The following TBCK variants were observed in gnomAD, a reference collection of about 807,000 sequenced individuals.
TBCK encodes TBC1 domain containing kinase, also known as TBC domain-containing protein kinase-like protein.
TBCK carries 99 observed loss-of-function variants against 113.4 expected under a neutral mutation model. The ratio of observed to expected loss-of-function variants is 0.87; its 90% CI spans 0.74 to 1.03. The LOEUF is 1.03. TBCK is among the 50% of genes least tolerant of loss of function. TBCK has a pLI of 0.00. For synonymous variants in TBCK, 369 were observed against 370.8 expected (o/e 1.00, Z 0.05); for missense variants, 1,045 against 1,061.3 (o/e 0.98, Z 0.21).
chr4:106,220,194 G>T (rs764528086), intron 19 of TBCK, among the ~76,000 whole-genome samples: 4 of 152,072 alleles, frequency 2.6e-5, no homozygotes, highest in Admixed American at 6.5e-5. Flanking sequence ...GAGGGACCGG[G>T]GTGTGGTAAT....
chr4:106,190,809 C>T (rs1033066127), intron 22 of TBCK, among the ~76,000 whole-genome samples: 4 of 151,836 alleles, frequency 2.6e-5, no homozygotes, highest in African/African-American at 4.8e-5. Context: ...GGCGCCATGT[C>T]GGCTCACTGC....
At position 106,233,645 on chromosome 4, in the gene TBCK, AG is replaced by A; in HGVS notation, c.1454del (p.Ala485ValfsTer48). ...CAATTGCATCGTACTTGGCATGAAT[AG>A]CTCCCTGCAAAAAATAAAAGAAGAT... ...TWAALLGVEG[A>X]IHAKYDAIDK... is the part of the protein sequence containing the mutation. On this transcript the variant is annotated frameshift_variant, in exon 16 of 26. Coordinates refer to ENST00000394708, the MANE Select transcript of TBCK (RefSeq NM_001163435.3). LOFTEE classifies it high-confidence loss of function. The A allele has an allele frequency of 1.2e-6, 2 of 1,606,306 alleles. No homozygotes were observed. Among genetic ancestry groups the A allele is most frequent in the African/African-American group, 2.7e-5 (2 of 74,830 alleles).
intron 23 of TBCK, among the ~76,000 whole-genome samples, chr4:106,160,338 C>A (rs1187585145): frequency 1.3e-5 from 2 of 151,586 alleles, no homozygotes; most frequent in African/African-American, 2.4e-5. Flanking sequence ...AAATGGCAAC[C>A]TACAGAATGA....
At chr4:106,091,918 C>G (rs907673290) in intron 25 of TBCK, among the ~76,000 whole-genome samples, 1 of 152,156 alleles carries the variant, frequency 6.6e-6, no homozygotes, top group African/African-American at 2.4e-5. Flanking sequence ...GCTGATTGGT[C>G]TGTTTTGACA....
chr4:106,310,779 C>T (rs2125900946), intron 1 of TBCK, among the ~76,000 whole-genome samples: 1 of 152,178 alleles, frequency 6.6e-6, no homozygotes, highest in South Asian at 2.1e-4. Flanking sequence ...GGAAAGACTA[C>T]AGTATCAAGG....
intron 20 of TBCK, among the ~76,000 whole-genome samples, chr4:106,199,293 A>G (rs1372678528): frequency 6.6e-6 from 1 of 151,842 alleles, no homozygotes; most frequent in Non-Finnish European, 1.5e-5. Context: ...TCTTCAGAAC[A>G]TTTTTTTCCC....
intron 3 of TBCK, among the ~76,000 whole-genome samples, chr4:106,275,255 A>G (rs1213276397): frequency 6.6e-6 from 1 of 152,244 alleles, no homozygotes; most frequent in Non-Finnish European, 1.5e-5. Flanking sequence ...CCCTTAGCCA[A>G]TTAGAAATAT....
rs1404297839 is a variant in TBCK, at chr4:106,230,426, A to C, written c.1711T>G (p.Ser571Ala). 1.2e-6 allele frequency: 2 copies of C among 1,603,332 alleles called. No individual in the cohort carries two copies. Among genetic ancestry groups the C allele is most frequent in the Admixed American group, 3.3e-5 (2 of 59,792 alleles). ...NNEALAYACM[S>A]AFIPKYLYNF... ...TACAGGTATTTGGGAATAAAAGCAG[A>C]CATACATGCATAAGCCAAGGCTAAA... The change falls in exon 19 of 26, where the codon TCT becomes GCT. Residue 571 changes from serine (S) to alanine (A), a missense_variant. Transcript: ENST00000394708.
chr4:106,235,206 C>T, intron 15 of TBCK, 63 bp downstream of exon 15: 3 of 930,532 alleles, frequency 3.2e-6, no homozygotes, highest in South Asian at 2.2e-5. Flanking sequence ...TTGGAAAGCA[C>T]TCTCCTTCTC....
At chr4:106,260,615 C>A in intron 4 of TBCK, 105 bp from the exon 5 acceptor site, 2 of 389,972 alleles carry the variant, frequency 5.1e-6, no homozygotes, top group Non-Finnish European at 9.1e-6. Context: ...CTAAAGAAAC[C>A]ATTATATAAC....
At chr4:106,291,674 T>C (rs1176068274) in intron 3 of TBCK, among the ~76,000 whole-genome samples, 1 of 152,262 alleles carries the variant, frequency 6.6e-6, no homozygotes, top group Non-Finnish European at 1.5e-5. Context: ...GCATCATTCT[T>C]AGCGACTAAC....
At chr4:106,113,978 T>G (rs1237830458) in intron 24 of TBCK, among the ~76,000 whole-genome samples, 1 of 152,130 alleles carries the variant, frequency 6.6e-6, no homozygotes, top group Non-Finnish European at 1.5e-5. Context: ...CGGCACACAT[T>G]GGACTAAGAT....
chr4:106,272,427 A>AT (rs931618439), intron 3 of TBCK, among the ~76,000 whole-genome samples: 3 of 150,176 alleles, frequency 2.0e-5, no homozygotes, highest in Non-Finnish European at 3.0e-5. Context: ...GCTGATGACA[A>AT]TTTTTTTTTC....
At chr4:106,176,618 T>TCATACA (rs1321738626) in intron 22 of TBCK, among the ~76,000 whole-genome samples, 3 of 152,078 alleles carry the variant, frequency 2.0e-5, no homozygotes, top group African/African-American at 7.2e-5. Flanking sequence ...TGTTGGCTAT[T>TCATACA]GTGAATAGTG....
intron 22 of TBCK, among the ~76,000 whole-genome samples, chr4:106,171,964 G>A (rs1014882519): frequency 6.6e-6 from 1 of 151,956 alleles, no homozygotes; most frequent in Non-Finnish European, 1.5e-5. Flanking sequence ...CCTAGAAGCT[G>A]GGATTACAGG....
At chr4:106,063,900 A>C (rs1348493136) in intron 25 of TBCK, among the ~76,000 whole-genome samples, 3 of 151,882 alleles carry the variant, frequency 2.0e-5, no homozygotes. Context: ...GTGAGAAATA[A>C]ATTTCTATTG....
intron 23 of TBCK, among the ~76,000 whole-genome samples, chr4:106,124,380 G>C (rs1401486331): frequency 6.6e-6 from 1 of 152,200 alleles, no homozygotes; most frequent in Non-Finnish European, 1.5e-5. Flanking sequence ...TGGAGAAATA[G>C]GGACATTTTT....
At chr4:106,113,371 T>G (rs1743085959) in intron 24 of TBCK, among the ~76,000 whole-genome samples, 1 of 152,228 alleles carries the variant, frequency 6.6e-6, no homozygotes, top group African/African-American at 2.4e-5. Context: ...TTATTTACCC[T>G]TAATTTTGAA....
chr4:106,104,345 G>A (rs918714297), intron 24 of TBCK, among the ~76,000 whole-genome samples: 7 of 152,214 alleles, frequency 4.6e-5, no homozygotes, highest in African/African-American at 2.4e-5. Flanking sequence ...GGAGATGGGT[G>A]GGTTGCCATC....
Sources: allele counts gnomAD v4.1 joint callset (sites outside exome capture counted in the v4.1 genomes callset), GRCh38; gene constraint gnomAD v4.1.1; transcripts MANE v1.5; gene names NCBI Gene and HGNC (gene_info 2026-07-23, HGNC 2026-07-21).